Variants in CNTN5 observed in about 807,000 individuals in gnomAD.
The protein encoded by CNTN5 is contactin-5.
CNTN5 carries 77 observed loss-of-function variants against 129.1 expected under a neutral mutation model. The ratio of observed to expected loss-of-function variants is 0.60; its 90% CI spans 0.50 to 0.72. CNTN5 has a LOEUF of 0.72. Among genes scored for constraint, CNTN5 ranks in the 30% least tolerant of loss-of-function variants. The probability of loss-of-function intolerance (pLI) is 0.00; values close to 1 mark genes in which losing one functional copy is unlikely to be tolerated. For missense variants in CNTN5, 1,478 were observed against 1,328.8 expected, an observed-to-expected ratio of 1.11 and a Z score of -1.75; for synonymous variants, 509 against 465.6, an observed-to-expected ratio of 1.09 and a Z score of -1.20.
At chr11:99,802,043 G>A (rs533128065) in intron 3 of CNTN5, among the ~76,000 whole-genome samples, 28 of 152,188 alleles carry the variant, frequency 1.8e-4, no homozygotes, top group African/African-American at 3.9e-4. Context: ...TTTTCTCTTC[G>A]TTTTCCCACA....
rs141761320 is a variant in CNTN5, at chr11:99,075,164, A to G, written c.-210+53894A>G. Reference sequence around the variant, plus strand: ...CTCTGCAAAGATTTAAGTTTCTCCAATAACATCATTGAAAATCACATTTTG... The same window carrying G: ...CTCTGCAAAGATTTAAGTTTCTCCAGTAACATCATTGAAAATCACATTTTG... On this transcript the variant is annotated intron_variant, in intron 1 of 24. Transcript: ENST00000524871. 4.0e-3 allele frequency among the ~76,000 whole-genome samples: 607 copies of G among 152,342 alleles called. 3 individuals carry two copies. The highest frequency in any genetic ancestry group is 0.014 in the African/African-American group (570 of 41,594).
At chr11:99,278,102 C>T (rs1267477621) in intron 1 of CNTN5, among the ~76,000 whole-genome samples, 1 of 151,644 alleles carries the variant, frequency 6.6e-6, no homozygotes, top group Non-Finnish European at 1.5e-5. Context: ...TATTAACAAA[C>T]TGATATTCAG....
At chr11:99,519,780 A>C (rs1947203041) in intron 2 of CNTN5, among the ~76,000 whole-genome samples, 1 of 152,066 alleles carries the variant, frequency 6.6e-6, no homozygotes, top group South Asian at 2.1e-4. Flanking sequence ...TTTACATGGA[A>C]AAAAAGAAGA....
At chr11:99,313,364 GTTA>G (rs1002124675) in intron 1 of CNTN5, among the ~76,000 whole-genome samples, 2 of 152,094 alleles carry the variant, frequency 1.3e-5, no homozygotes, top group African/African-American at 4.8e-5. Context: ...TAAAAGTAAT[GTTA>G]TTAATACATT....
At chr11:99,817,834 C>A (rs1591245304) in intron 3 of CNTN5, among the ~76,000 whole-genome samples, 1 of 144,700 alleles carries the variant, frequency 6.9e-6, no homozygotes, top group East Asian at 2.2e-4. Flanking sequence ...TATAGTTTGC[C>A]CAAGGGAGGT....
At chr11:99,138,344 A>G (rs1859338121) in intron 1 of CNTN5, among the ~76,000 whole-genome samples, 1 of 152,150 alleles carries the variant, frequency 6.6e-6, no homozygotes, top group Non-Finnish European at 1.5e-5. Flanking sequence ...CAGAGGTAAA[A>G]CACTAAAAAA....
intron 7 of CNTN5, among the ~76,000 whole-genome samples, chr11:99,937,228 A>C (rs2136098792): frequency 6.6e-6 from 1 of 152,324 alleles, no homozygotes; most frequent in South Asian, 2.1e-4. Context: ...GAATATGCCC[A>C]TGTATGATGG....
chr11:99,679,073 A>G (rs1953434028), intron 3 of CNTN5, among the ~76,000 whole-genome samples: 1 of 146,434 alleles, frequency 6.8e-6, no homozygotes, highest in South Asian at 2.1e-4. Flanking sequence ...TATGTCTTCT[A>G]TATATAGGAA....
At chr11:99,103,678 T>C (rs1236996814) in intron 1 of CNTN5, among the ~76,000 whole-genome samples, 1 of 152,064 alleles carries the variant, frequency 6.6e-6, no homozygotes, top group Non-Finnish European at 1.5e-5. Context: ...AAAAGGGTCT[T>C]TGCATGTTTA....
chr11:100,090,471 T>C (rs112195353), intron 13 of CNTN5, among the ~76,000 whole-genome samples: 1,369 of 111,140 alleles, frequency 0.012, 43 homozygotes, highest in African/African-American at 0.049. Flanking sequence ...TTCTTTCTTT[T>C]TCTCTCTTTC....
intron 1 of CNTN5, among the ~76,000 whole-genome samples, chr11:99,143,881 A>C (rs1859654474): frequency 6.6e-6 from 1 of 152,188 alleles, no homozygotes; most frequent in Non-Finnish European, 1.5e-5. Flanking sequence ...GGTGGGAATT[A>C]CAAGCAGTGT....
At chr11:100,321,291 A>ATTTTT (rs35937617) in intron 21 of CNTN5, among the ~76,000 whole-genome samples, 4 of 134,602 alleles carry the variant, frequency 3.0e-5, no homozygotes, top group African/African-American at 1.1e-4. Context: ...ATTCCTAAGT[A>ATTTTT]TTTTTTTTTT....
intron 3 of CNTN5, among the ~76,000 whole-genome samples, chr11:99,718,988 G>A (rs956588893): frequency 6.6e-6 from 1 of 152,032 alleles, no homozygotes; most frequent in African/African-American, 2.4e-5. Context: ...AAAAATGATA[G>A]AGTGATGTTC....
chr11:99,298,630 T>C (rs1214941258), intron 1 of CNTN5, among the ~76,000 whole-genome samples: 2 of 152,122 alleles, frequency 1.3e-5, no homozygotes, highest in Non-Finnish European at 2.9e-5. Context: ...TGTTATAATA[T>C]ATTATCTAAA....
At chr11:99,787,585 A>G (rs958513328) in intron 3 of CNTN5, among the ~76,000 whole-genome samples, 2 of 151,906 alleles carry the variant, frequency 1.3e-5, no homozygotes, top group African/African-American at 2.4e-5. Context: ...CTTCTAATCA[A>G]TAAGTTGTCA....
intron 3 of CNTN5, among the ~76,000 whole-genome samples, chr11:99,761,425 C>A (rs896775315): frequency 2.0e-5 from 3 of 152,072 alleles, no homozygotes; most frequent in African/African-American, 7.2e-5. Context: ...CTCCCACCAC[C>A]CCACAACAGT....
At chr11:99,583,805 C>T (rs1015845738) in intron 3 of CNTN5, among the ~76,000 whole-genome samples, 2 of 152,112 alleles carry the variant, frequency 1.3e-5, no homozygotes, top group African/African-American at 4.8e-5. Context: ...TGCTTTGGCT[C>T]ATGCATGGTG....
chr11:99,663,696 C>G (rs748478421), intron 3 of CNTN5, among the ~76,000 whole-genome samples: 4 of 152,076 alleles, frequency 2.6e-5, no homozygotes, highest in Non-Finnish European at 5.9e-5. Context: ...GCTCTTACCC[C>G]TTTGCTCTTT....
chr11:99,305,651 TAAG>T (rs1430782846), intron 1 of CNTN5, among the ~76,000 whole-genome samples: 2 of 152,132 alleles, frequency 1.3e-5, no homozygotes, highest in East Asian at 1.9e-4. Flanking sequence ...ATTTATATAA[TAAG>T]AAGAAAAGTG....
Sources: gnomAD v4.1 joint callset for allele counts (sites outside exome capture counted in the v4.1 genomes callset) on GRCh38, gnomAD v4.1.1 for gene constraint, MANE v1.5 for transcripts, NCBI Gene and HGNC (gene_info 2026-07-23, HGNC 2026-07-21) for gene names.